The following CDK20 variants were observed in gnomAD, a reference collection of about 807,000 sequenced individuals.
CDK20 encodes cyclin-dependent kinase 20.
Under a neutral mutation model 38.6 loss-of-function variants are expected in CDK20, and 40 were observed. That is an observed-to-expected ratio of 1.04 (90% CI 0.81 to 1.35). The LOEUF (loss-of-function observed/expected upper bound fraction) is 1.35. CDK20 is among the 40% of genes most tolerant of loss of function. The pLI, the probability that CDK20 is intolerant of heterozygous loss-of-function variation, is 0.00. For missense variants in CDK20, 512 were observed against 452.6 expected (o/e 1.13, Z -1.19); for synonymous variants, 209 against 185.7 (o/e 1.13, Z -1.02).
chr9:87,971,799 G>C (rs1034003645), intron 2 of CDK20, among the ~76,000 whole-genome samples: 1 of 152,192 alleles, frequency 6.6e-6, no homozygotes, highest in Non-Finnish European at 1.5e-5. Flanking sequence ...AGGCTACACA[G>C]AGAGTGAGCT....
At chr9:87,974,072 C>T in intron 1 of CDK20, 37 bp from the exon 2 acceptor site, 3 of 1,613,234 alleles carry the variant, frequency 1.9e-6, no homozygotes, top group Non-Finnish European at 1.7e-6. Flanking sequence ...AGCCCACCCT[C>T]GGCTGGGAAA....
intron 2 of CDK20, among the ~76,000 whole-genome samples, chr9:87,973,173 A>G (rs191393225): frequency 6.6e-6 from 1 of 152,302 alleles, no homozygotes; most frequent in African/African-American, 2.4e-5. Context: ...CAGGGAGTCA[A>G]ATACATTCCC....
chr9:87,969,167 A>G (rs1303166610), intron 7 of CDK20, 27 bp downstream of exon 7: 2 of 1,610,206 alleles, frequency 1.2e-6, no homozygotes, highest in Admixed American at 3.3e-5. Flanking sequence ...GAGCTGAAGG[A>G]GCAGAGACTA....
intron 7 of CDK20, chr9:87,967,934 G>A (rs957043278): frequency 6.1e-6 from 2 of 326,074 alleles, no homozygotes; most frequent in East Asian, 5.4e-5. Flanking sequence ...TAGTGCAGTG[G>A]AAGAGAGAAA....
intron 7 of CDK20, chr9:87,968,678 T>C (rs1159857881): frequency 6.5e-6 from 1 of 153,444 alleles, no homozygotes; most frequent in African/African-American, 2.4e-5. Flanking sequence ...GCCTTGCCTC[T>C]CTCCTGGGGC....
intron 2 of CDK20, among the ~76,000 whole-genome samples, chr9:87,972,884 T>G (rs1185775539): frequency 1.3e-5 from 2 of 152,172 alleles, no homozygotes; most frequent in African/African-American, 4.8e-5. Flanking sequence ...GTTTTCGGAT[T>G]TTTCAGGTAG....
intron 5 of CDK20, chr9:87,970,205 T>C (rs781521613): frequency 4.5e-6 from 2 of 441,694 alleles, no homozygotes; most frequent in Non-Finnish European, 4.0e-6. Context: ...GCCAACTATC[T>C]TCTTGCTGCA....
Position 87,973,960 on chromosome 9 carries a change from C to T in CDK20, c.151G>A (p.Glu51Lys). The change falls in exon 2 of 8, where the codon GAG becomes AAG. Residue 51 changes from glutamate (E) to lysine (K), a missense_variant. Glu to Lys is a moderately conservative substitution (Grantham distance 56, BLOSUM62 1). Coordinates refer to ENST00000325303, the MANE Select transcript of CDK20 (RefSeq NM_001039803.3). ...EDGFPNQALREIKALQEMEDN... is the reference protein window; with the variant it reads ...EDGFPNQALRKIKALQEMEDN... Reference sequence around the variant, plus strand: ...TCCATCTCCTGCAGAGCCTTAATCTCCCGCAGGGCCTGGTTAGGGAAGCCG... The same window carrying T: ...TCCATCTCCTGCAGAGCCTTAATCTTCCGCAGGGCCTGGTTAGGGAAGCCG... The T allele has an allele frequency of 2.5e-6, 4 of 1,614,162 alleles. No homozygotes were observed. Among genetic ancestry groups the T allele is most frequent in the South Asian group, 1.1e-5 (1 of 91,088 alleles).
At chr9:87,971,846 G>A (rs1194845787) in intron 2 of CDK20, among the ~76,000 whole-genome samples, 2 of 151,976 alleles carry the variant, frequency 1.3e-5, no homozygotes, top group Admixed American at 1.3e-4. Context: ...CAGCACAAAG[G>A]ACAAACAGTT....
chr9:87,970,452 C>T, intron 5 of CDK20, 116 bp downstream of exon 5: 1 of 957,770 alleles, frequency 1.0e-6, no homozygotes, highest in Non-Finnish European at 1.6e-6. Context: ...GGGAAGACAC[C>T]CTTAAGGAAG....
At chr9:87,973,647 A>G (rs1404567972) in intron 2 of CDK20, among the ~76,000 whole-genome samples, 1 of 151,818 alleles carries the variant, frequency 6.6e-6, no homozygotes, top group Admixed American at 6.6e-5. Flanking sequence ...ATGTTTTGAG[A>G]AAAAAAGTCG....
At chr9:87,969,432 A>G (rs1829692132) in intron 6 of CDK20, 83 bp from the exon 7 acceptor site, 14 of 1,451,220 alleles carry the variant, frequency 9.6e-6, no homozygotes, top group Non-Finnish European at 1.3e-5. Flanking sequence ...CTCAGCCCCT[A>G]ACACACACTC....
At chr9:87,974,184 A>C (rs1383055720) in intron 1 of CDK20, 149 bp from the exon 2 acceptor site, 12 of 1,404,090 alleles carry the variant, frequency 8.5e-6, no homozygotes, top group Non-Finnish European at 1.2e-5. Context: ...CCTGGGACCC[A>C]GCCGCTGGGG....
rs1564153953 is a variant in CDK20, at chr9:87,967,649, T to C, written c.854A>G (p.His285Arg). The C allele has an allele frequency of 4.1e-6, 6 of 1,481,070 alleles. No homozygotes were observed. The South Asian group carries it at 4.2e-5, about 10-fold the overall frequency. The allele number at this position is 1,481,070 out of a possible 1,614,324, so 91.7% of individuals were successfully genotyped here. ...QRIAASKALL[H>R]QYFFTAPLPA... ...CAGGGGAGCTGTGAAGAAGTACTGA[T>C]GGAGGAGAGCCTGAGGGTGGCAAGT... Residue 285 changes from histidine (H) to arginine (R), a missense_variant, in exon 8 of 8, where the codon CAT becomes CGT. Coordinates refer to ENST00000325303, the MANE Select transcript of CDK20 (RefSeq NM_001039803.3).
intron 2 of CDK20, among the ~76,000 whole-genome samples, chr9:87,973,207 G>A (rs1423213977): frequency 3.3e-5 from 5 of 152,176 alleles, no homozygotes; most frequent in Non-Finnish European, 7.3e-5. Context: ...GTGAGAGAGA[G>A]CACCAAAAGA....
rs376523146 is a variant in CDK20, at chr9:87,971,180, G to A, written c.345C>T (p.Val115=). ...KSYLQMLLKG[V]AFCHANNIVH... is the part of the protein sequence containing the mutation. ...CAATGTTGTTGGCATGGCAGAAGGC[G>A]ACACCCTTGAGCAGCATCTGCAGGT... The change falls in exon 3 of 8, where the codon GTC becomes GTT. Residue 115 remains valine (V), a synonymous_variant. Transcript: ENST00000325303. 199 of 1,614,154 alleles carry A rather than the reference G, an allele frequency of 1.2e-4. No individual in the cohort carries two copies. In the South Asian group the frequency reaches 1.4e-3, roughly 12 times the overall value.
At chr9:87,972,417 T>A (rs1352355695) in intron 2 of CDK20, among the ~76,000 whole-genome samples, 2 of 152,156 alleles carry the variant, frequency 1.3e-5, no homozygotes, top group African/African-American at 2.4e-5. Flanking sequence ...TGAGATTGTT[T>A]AAGGGAAGGA....
intron 2 of CDK20, among the ~76,000 whole-genome samples, chr9:87,972,008 A>C (rs1425221826): frequency 6.6e-6 from 1 of 152,188 alleles, no homozygotes; most frequent in Non-Finnish European, 1.5e-5. Context: ...GTTTGAGACC[A>C]GCCTGGGCAA....
In CDK20 at chr9:87,967,212, GCA is replaced by G. The variant is rs764156211; in HGVS notation, c.*248_*249del. The G allele has an allele frequency of 5.5e-5, 38 of 690,752 alleles. No individual in the cohort carries two copies. The highest frequency in any genetic ancestry group is 4.7e-4 in the African/African-American group (27 of 57,734). 42.8% of individuals were successfully genotyped at this position (690,752 alleles called of 1,614,324 possible). A position where few individuals can be genotyped will look rare whatever the true frequency, so the allele number is the denominator to read the frequency against. On this transcript the variant is annotated 3_prime_UTR_variant, in exon 8 of 8. Transcript: ENST00000325303. ...CACTGTCCTGATGGGTACGTCAGTA[GCA>G]CACAGAAGGTAAGGCTCACCGAGCA...
Sources: allele counts gnomAD v4.1 joint callset (sites outside exome capture counted in the v4.1 genomes callset), GRCh38; gene constraint gnomAD v4.1.1; transcripts MANE v1.5; gene names NCBI Gene and HGNC (gene_info 2026-07-23, HGNC 2026-07-21).